The following CCND3 variants were observed in gnomAD, a reference collection of about 807,000 sequenced individuals.
CCND3 encodes the protein G1/S-specific cyclin-D3.
CCND3 carries 9 observed loss-of-function variants against 28.7 expected under a neutral mutation model. The ratio of observed to expected loss-of-function variants is 0.31; its 90% CI spans 0.19 to 0.55. The LOEUF is 0.55. CCND3 is among the 20% of genes least tolerant of loss of function. The pLI, the probability that CCND3 is intolerant of heterozygous loss-of-function variation, is 0.93. For missense variants in CCND3, 315 were observed against 385.8 expected (o/e 0.82, Z 1.54); for synonymous variants, 164 against 163.9 (o/e 1.00, Z 0.00).
At chr6:42,023,114 T>C (rs1763759924) in intron 1 of CCND3, among the ~76,000 whole-genome samples, 1 of 152,148 alleles carries the variant, frequency 6.6e-6, no homozygotes, top group East Asian at 1.9e-4. Flanking sequence ...CATGAAAAAT[T>C]TGAGTCACCC....
intron 1 of CCND3, among the ~76,000 whole-genome samples, chr6:41,971,035 A>G (rs1412823614): frequency 6.6e-6 from 1 of 151,946 alleles, no homozygotes; most frequent in African/African-American, 2.4e-5. Flanking sequence ...CTCCTGCCGC[A>G]GCCTCCCGAG....
At chr6:41,985,488 T>C (rs537812361) in intron 1 of CCND3, among the ~76,000 whole-genome samples, 1 of 152,138 alleles carries the variant, frequency 6.6e-6, no homozygotes, top group South Asian at 2.1e-4. Flanking sequence ...TAATTTTGTG[T>C]ATTTTTAATA....
At chr6:41,964,076 C>G (rs1408374837) in intron 1 of CCND3, among the ~76,000 whole-genome samples, 1 of 152,210 alleles carries the variant, frequency 6.6e-6, no homozygotes, top group East Asian at 1.9e-4. Context: ...ACCCACCCCA[C>G]AGAGTTGTGA....
Position 41,941,653 on chromosome 6 carries a change from C to T in CCND3, c.-4G>A, listed in dbSNP as rs1343355118. The stretch of plus-strand genomic sequence containing the variant: ...CTTCGCAACACAGCAGCTCCATACT[C>T]GGGCAGCGAACAGGCAGGGCGGGAG... On this transcript the variant is annotated 5_prime_UTR_variant, in exon 1 of 5. Transcript: ENST00000372991. This position sits in a 1 kb window ranked among gnomAD's most constrained non-coding sequence, Gnocchi z 6.1. The T allele has an allele frequency of 2.1e-6, 3 of 1,434,104 alleles. No individual in the cohort carries two copies. Among genetic ancestry groups the T allele is most frequent in the Middle Eastern group, 5.0e-4 (2 of 4,014 alleles). The allele number at this position is 1,434,104 out of a possible 1,614,324, so 88.8% of individuals were successfully genotyped here.
Position 41,941,482 on chromosome 6 carries a change from C to T in CCND3, c.168G>A (p.Met56Ile), listed in dbSNP as rs764873715. ...GCATCCAGTAAGCCAGCATCTTCCG[C>T]ATGTGCGGCTTGATCTCCCGCTGCA... ...QCVQREIKPH[M>I]RKMLAYWMLE... The change falls in exon 1 of 5, where the codon ATG becomes ATA. Residue 56 changes from methionine to isoleucine, a missense_variant. By Grantham distance (10) the Met-to-Ile change is conservative (BLOSUM62 1). Transcript: ENST00000372991. This position sits in a 1 kb window ranked among gnomAD's most constrained non-coding sequence, Gnocchi z 6.1. The T allele has an allele frequency of 1.2e-6, 2 of 1,607,722 alleles. No individual in the cohort carries two copies. The highest frequency in any genetic ancestry group is 2.3e-5 in the East Asian group (1 of 44,326).
chr6:41,979,641 CTCTA>C (rs759090144), intron 1 of CCND3, among the ~76,000 whole-genome samples: 73 of 89,636 alleles, frequency 8.1e-4, no homozygotes, highest in Admixed American at 2.0e-3. Context: ...CTCTCTCTCT[CTCTA>C]TATATATATA....
At chr6:41,996,427 G>C (rs895134392) in intron 1 of CCND3, among the ~76,000 whole-genome samples, 1 of 151,824 alleles carries the variant, frequency 6.6e-6, no homozygotes, top group South Asian at 2.1e-4. Context: ...TGGGATTACA[G>C]GTGTAAGCCA....
intron 1 of CCND3, among the ~76,000 whole-genome samples, chr6:42,046,782 C>T (rs567360154): frequency 2.4e-4 from 37 of 152,314 alleles, no homozygotes; most frequent in African/African-American, 8.9e-4. Context: ...ATGGCTGTAT[C>T]ATCCAAGATA....
intron 1 of CCND3, among the ~76,000 whole-genome samples, chr6:41,996,442 G>A (rs528677389): frequency 2.6e-5 from 4 of 151,546 alleles, no homozygotes; most frequent in South Asian, 2.1e-4. Flanking sequence ...AAGCCACCGC[G>A]CCCAGCCTGA....
intron 1 of CCND3, among the ~76,000 whole-genome samples, chr6:41,997,609 G>C (rs1368332187): frequency 6.6e-6 from 1 of 152,064 alleles, no homozygotes; most frequent in African/African-American, 2.4e-5. Flanking sequence ...AACCAGGAAG[G>C]AGCCAGGCAC....
Position 42,034,547 on chromosome 6 carries a change from G to A in CCND3, c.-46+13954C>T, listed in dbSNP as rs1251736595. On this transcript the variant is annotated intron_variant, in intron 1 of 4. Coordinates refer to the CCND3 transcript ENST00000372988. ...GGCTGGAGTGCAGTGGTGCGATCTCGGCTCACTGCAACCTCCGCCTCCCAG... is the reference window on the plus strand; with the variant it reads ...GGCTGGAGTGCAGTGGTGCGATCTCAGCTCACTGCAACCTCCGCCTCCCAG... Among the ~76,000 whole-genome samples, 3 of 128,184 alleles carry A rather than the reference G, an allele frequency of 2.3e-5. No homozygotes were observed. The Admixed American group carries it at 3.0e-4, about 13-fold the overall frequency. 84.1% of individuals were successfully genotyped at this position (128,184 alleles called of 152,430 possible).
At chr6:42,025,224 C>T (rs1384417155) in intron 1 of CCND3, among the ~76,000 whole-genome samples, 1 of 152,174 alleles carries the variant, frequency 6.6e-6, no homozygotes, top group Non-Finnish European at 1.5e-5. Flanking sequence ...GACAGCTCTC[C>T]GAGCAGGCCA....
intron 1 of CCND3, among the ~76,000 whole-genome samples, chr6:41,981,817 C>T (rs1762357139): frequency 1.3e-5 from 2 of 151,964 alleles, no homozygotes; most frequent in South Asian, 4.2e-4. Context: ...AGCCACTGTG[C>T]CCAGCCAAGG....
chr6:41,983,644 C>A (rs953501999), intron 1 of CCND3, among the ~76,000 whole-genome samples: 10 of 151,698 alleles, frequency 6.6e-5, no homozygotes, highest in African/African-American at 1.9e-4. Context: ...ATTCAAGACC[C>A]GCCTGGGCAA....
intron 1 of CCND3, among the ~76,000 whole-genome samples, chr6:42,007,740 G>A (rs531814209): frequency 5.3e-5 from 8 of 152,218 alleles, no homozygotes; most frequent in Non-Finnish European, 1.0e-4. Flanking sequence ...GAGCCAGAAA[G>A]GGCTGGACAG....
intron 1 of CCND3, among the ~76,000 whole-genome samples, chr6:41,956,381 TAGAA>T (rs1776436689): frequency 6.6e-6 from 1 of 152,210 alleles, no homozygotes; most frequent in Non-Finnish European, 1.5e-5. Context: ...CTAGGGCCTT[TAGAA>T]AGGGCTGGGA....
intron 1 of CCND3, among the ~76,000 whole-genome samples, chr6:41,975,795 A>G (rs1762163074): frequency 6.7e-6 from 1 of 149,610 alleles, no homozygotes; most frequent in African/African-American, 2.5e-5. Context: ...TAGATATGTG[A>G]ATTTTGTGGG....
chr6:42,019,153 ATACT>A (rs1424507705), intron 1 of CCND3, among the ~76,000 whole-genome samples: 1 of 152,134 alleles, frequency 6.6e-6, no homozygotes, highest in Non-Finnish European at 1.5e-5. Context: ...ATAATGTCAG[ATACT>A]TAAGTAAATT....
rs773741397 is a variant in CCND3 at position 41,996,942 on chromosome 6, C to T, written c.-46+51559G>A. Among the ~76,000 whole-genome samples the T allele has an allele frequency of 2.6e-5, 4 of 152,182 alleles. No individual in the cohort carries two copies. In the East Asian group the frequency reaches 7.7e-4, roughly 29 times the overall value. The stretch of plus-strand genomic sequence containing the variant: ...CCTCCCAAAGTGCTGGGATTACAGG[C>T]GTGAGCCACAGCACCTGGCCATCTT... On this transcript the variant is annotated intron_variant, in intron 1 of 4. Coordinates refer to the CCND3 transcript ENST00000372988.
Sources: allele counts gnomAD v4.1 joint callset (sites outside exome capture counted in the v4.1 genomes callset), GRCh38; gene constraint gnomAD v4.1.1; non-coding constraint Gnocchi (gnomAD v3.1); transcripts MANE v1.5; gene names NCBI Gene and HGNC (gene_info 2026-07-23, HGNC 2026-07-21).